SSH2: variants seen among roughly 807,000 people sequenced by gnomAD.
SSH2 encodes slingshot protein phosphatase 2.
Under a neutral mutation model 135.2 loss-of-function variants are expected in SSH2, and 37 were observed. The ratio of observed to expected loss-of-function variants is 0.27; its 90% CI spans 0.21 to 0.36. The LOEUF is 0.36. Ranked by LOEUF, SSH2 falls within the 10% of genes least tolerant of loss-of-function variation. The probability of loss-of-function intolerance (pLI) is 1.00; values close to 1 mark genes in which losing one functional copy is unlikely to be tolerated. For synonymous variants in SSH2, 628 were observed against 646.2 expected, an observed-to-expected ratio of 0.97 and a Z score of 0.43; for missense variants, 1,408 against 1,765.3, an observed-to-expected ratio of 0.80 and a Z score of 3.63.
intron 1 of SSH2, among the ~76,000 whole-genome samples, chr17:29,886,938 G>A (rs745833735): frequency 1.5e-4 from 23 of 152,092 alleles, no homozygotes; most frequent in African/African-American, 5.3e-4. Flanking sequence ...CCAAGAGTAT[G>A]TGGTATCCTT....
At chr17:29,744,083 C>T (rs2040669152) in intron 3 of SSH2, among the ~76,000 whole-genome samples, 1 of 152,132 alleles carries the variant, frequency 6.6e-6, no homozygotes. Context: ...ATATTCACAG[C>T]TCAGAGTACA....
At chr17:29,709,015 T>TATATATATAGAGAGAGAGAGAGAGAGAG (rs780981175) in intron 3 of SSH2, among the ~76,000 whole-genome samples, 1 of 81,588 alleles carries the variant, frequency 1.2e-5, no homozygotes, top group Non-Finnish European at 2.5e-5. Context: ...TATATATATA[T>TATATATATAGAGAGAGAGAGAGAGAGAG]AGAGAGAGAG....
chr17:29,675,284 T>C lies in SSH2; in HGVS notation c.614+1536A>G, dbSNP rs529782592. Among the ~76,000 whole-genome samples, 3 of 152,292 alleles carry C rather than the reference T, an allele frequency of 2.0e-5. No homozygotes were observed. In the East Asian group the frequency reaches 5.8e-4, roughly 29 times the overall value. ...CCACCTCCATCCTATCAATTCTGTT[T>C]TCAGGGGTAGATTATCTCCCTGGGG... On this transcript the variant is annotated intron_variant, in intron 8 of 15. Transcript: ENST00000540801.
At position 29,631,789 on chromosome 17, in the gene SSH2, G is replaced by A. The variant is rs375553199; in HGVS notation, c.3405C>T (p.Ser1135=). 2 of 1,614,090 alleles carry A rather than the reference G, an allele frequency of 1.2e-6. No individual in the cohort carries two copies. The highest frequency in any genetic ancestry group is 1.3e-5 in the African/African-American group (1 of 74,934). The part of the protein sequence containing the change: ...SSPEDRGSSL[S]TALETAAPFV... ...AAGGTGCTGCTGTCTCCAGGGCTGT[G>A]GACAGGCTGCTGCCTCTGTCTTCAG... The change falls in exon 16 of 16, where the codon TCC becomes TCT. Residue 1135 remains serine (S), a synonymous_variant. Coordinates refer to ENST00000540801, the MANE Select transcript of SSH2 (RefSeq NM_001282129.2).
chr17:29,679,447 G>T (rs536392496), intron 6 of SSH2, among the ~76,000 whole-genome samples: 91 of 150,724 alleles, frequency 6.0e-4, no homozygotes, highest in South Asian at 2.1e-3. Context: ...CACTCTTGTT[G>T]CCCAGGCTGG....
At chr17:29,658,945 C>T (rs2036907933) in intron 11 of SSH2, among the ~76,000 whole-genome samples, 1 of 149,074 alleles carries the variant, frequency 6.7e-6, no homozygotes, top group African/African-American at 2.5e-5. Flanking sequence ...CTATTGGTGA[C>T]ATTTTCATTA....
At chr17:29,660,782 T>G (rs2036999268) in intron 11 of SSH2, among the ~76,000 whole-genome samples, 1 of 151,674 alleles carries the variant, frequency 6.6e-6, no homozygotes, top group African/African-American at 2.4e-5. Context: ...TCTGGATGGG[T>G]GCAGTGGCTC....
intron 3 of SSH2, among the ~76,000 whole-genome samples, chr17:29,764,430 T>C (rs1304149105): frequency 6.6e-6 from 1 of 152,234 alleles, no homozygotes; most frequent in Non-Finnish European, 1.5e-5. Flanking sequence ...AATTCTTTAC[T>C]CTCCACTGTC....
intron 3 of SSH2, chr17:29,787,347 A>G (rs905235940): frequency 1.3e-5 from 2 of 152,196 alleles, no homozygotes; most frequent in Non-Finnish European, 2.9e-5. Context: ...CTGTACATAT[A>G]ATACCTCATT....
chr17:29,854,387 A>G (rs1376441576), intron 1 of SSH2, among the ~76,000 whole-genome samples: 1 of 151,840 alleles, frequency 6.6e-6, no homozygotes, highest in Admixed American at 6.6e-5. Flanking sequence ...CAAAGATAAG[A>G]TATGACTTGG....
intron 1 of SSH2, among the ~76,000 whole-genome samples, chr17:29,882,063 A>C (rs2066147286): frequency 2.0e-5 from 3 of 152,220 alleles, no homozygotes; most frequent in Admixed American, 2.0e-4. Context: ...GGGAGATACA[A>C]AGATTGATAC....
intron 3 of SSH2, among the ~76,000 whole-genome samples, chr17:29,774,371 TCTC>T: frequency 6.6e-6 from 1 of 152,178 alleles, no homozygotes; most frequent in East Asian, 1.9e-4. Context: ...TTCAAGCAAT[TCTC>T]CTGCCTCAGC....
At chr17:29,901,697 T>C (rs2066557377) in intron 1 of SSH2, among the ~76,000 whole-genome samples, 1 of 151,724 alleles carries the variant, frequency 6.6e-6, no homozygotes, top group Non-Finnish European at 1.5e-5. Context: ...CCTTCCCCAC[T>C]CCCTTCCTCC....
In SSH2 at chr17:29,876,146, A is replaced by C. The variant is rs1216838982; in HGVS notation, c.64-27217T>G. On this transcript the variant is annotated intron_variant, in intron 1 of 15. Coordinates refer to ENST00000540801, the MANE Select transcript of SSH2 (RefSeq NM_001282129.2). ...AGAAATAGGAAAAACCCTAAAATTT[A>C]TACAGAACGATAAAAGACCCAGAAT... is the stretch of plus-strand genomic sequence containing the variant. Among the ~76,000 whole-genome samples the C allele has an allele frequency of 2.6e-5, 4 of 151,946 alleles. No individual in the cohort carries two copies. The East Asian group carries it at 7.7e-4, about 29-fold the overall frequency.
chr17:29,886,442 C>T (rs1216830050), intron 1 of SSH2, among the ~76,000 whole-genome samples: 1 of 151,894 alleles, frequency 6.6e-6, no homozygotes, highest in East Asian at 1.9e-4. Context: ...CAAGAAGAAG[C>T]AGCGCATAAA....
intron 2 of SSH2, among the ~76,000 whole-genome samples, chr17:29,807,132 C>T (rs1379227916): frequency 6.6e-6 from 1 of 152,134 alleles, no homozygotes; most frequent in Non-Finnish European, 1.5e-5. Context: ...GGACGAAGAA[C>T]ATGTAAAGAA....
chr17:29,876,597 A>G (rs1167450179), intron 1 of SSH2, among the ~76,000 whole-genome samples: 1 of 151,590 alleles, frequency 6.6e-6, no homozygotes, highest in Non-Finnish European at 1.5e-5. Flanking sequence ...CTGCGAGTTA[A>G]ACCTCAAGAA....
rs758976728 is a variant in SSH2 at position 29,630,765 on chromosome 17, G to T, written c.*76C>A. Reference sequence around the variant, plus strand: ...AAATATTATAAAATTAACCAATAAAGTGCATGTTCCTTACATATTACACCT... The same window carrying T: ...AAATATTATAAAATTAACCAATAAATTGCATGTTCCTTACATATTACACCT... On this transcript the variant is annotated 3_prime_UTR_variant, in exon 16 of 16. Transcript: ENST00000540801. 6.4e-6 allele frequency: 9 copies of T among 1,409,652 alleles called. No homozygotes were observed. Among genetic ancestry groups the T allele is most frequent in the Non-Finnish European group, 5.8e-6 (6 of 1,042,360 alleles). 87.3% of individuals were successfully genotyped at this position (1,409,652 alleles called of 1,614,324 possible). A position where few individuals can be genotyped will look rare whatever the true frequency, so the allele number is the denominator to read the frequency against.
chr17:29,865,884 T>C (rs1433140085), intron 1 of SSH2, among the ~76,000 whole-genome samples: 1 of 152,096 alleles, frequency 6.6e-6, no homozygotes, highest in African/African-American at 2.4e-5. Flanking sequence ...GCGGATTACC[T>C]GAGGTCAGGA....
Sources: allele counts gnomAD v4.1 joint callset (sites outside exome capture counted in the v4.1 genomes callset), GRCh38; gene constraint gnomAD v4.1.1; transcripts MANE v1.5; gene names NCBI Gene and HGNC (gene_info 2026-07-23, HGNC 2026-07-21).